Variants in RCAN1 observed in about 807,000 individuals in gnomAD.
RCAN1 encodes the protein regulator of calcineurin 1.
Under a neutral mutation model 22.9 loss-of-function variants are expected in RCAN1, and 11 were observed. The observed-to-expected ratio is 0.48, with a 90% CI of 0.30 to 0.79. RCAN1 has a LOEUF of 0.79. Among genes scored for constraint, RCAN1 ranks in the 30% least tolerant of loss-of-function variants. The probability of loss-of-function intolerance (pLI) is 0.06; values close to 1 mark genes in which losing one functional copy is unlikely to be tolerated. For missense variants in RCAN1, 291 were observed against 337.8 expected (o/e 0.86, Z 1.09); for synonymous variants, 136 against 142.3 (o/e 0.96, Z 0.32).
chr21:34,551,129 C>G (rs1177522531), intron 1 of RCAN1, among the ~76,000 whole-genome samples: 1 of 152,144 alleles, frequency 6.6e-6, no homozygotes. Flanking sequence ...TGGGAAGACC[C>G]AAGGAAAATA....
intron 2 of RCAN1, 70 bp downstream of exon 2, chr21:34,523,467 C>A: frequency 1.3e-6 from 2 of 1,487,100 alleles, no homozygotes; most frequent in South Asian, 1.2e-5. Flanking sequence ...ACATAAGCAA[C>A]GTATAAGCTG....
At chr21:34,540,519 T>C (rs954917986) in intron 1 of RCAN1, among the ~76,000 whole-genome samples, 1 of 152,222 alleles carries the variant, frequency 6.6e-6, no homozygotes, top group African/African-American at 2.4e-5. Context: ...CCCTAGTTCT[T>C]AGTATTTACC....
In RCAN1 at chr21:34,556,223, G is replaced by A. The variant is rs534774350; in HGVS notation, c.253-32513C>T. 1.1e-4 allele frequency among the ~76,000 whole-genome samples: 17 copies of A among 150,002 alleles called. No individual in the cohort carries two copies. The South Asian group carries it at 3.0e-3, about 26-fold the overall frequency. The stretch of plus-strand genomic sequence containing the variant: ...AGGATAGCTTGAGCTCAGGAGTTTC[G>A]GACCAGCCTGAGCAACATGGTGAGA... On this transcript the variant is annotated intron_variant, in intron 1 of 3. Transcript: ENST00000313806.
chr21:34,523,609 G>A lies in RCAN1; in HGVS notation c.354C>T (p.Ser118=), dbSNP rs150396417. The A allele has an allele frequency of 2.4e-4, 385 of 1,614,060 alleles. 1 individual carries two copies. The African/African-American group carries it at 4.0e-3, about 17-fold the overall frequency. ...GCAGCTGGAGCCTGGCATCTGCTGC[G>A]GAGAAGGGGTTGCTGAAGTTTATTC... is the stretch of plus-strand genomic sequence containing the variant. ...RVRINFSNPF[S]AADARLQLHK... The change falls in exon 2 of 4, where the codon TCC becomes TCT. Residue 118 remains serine (S), a synonymous_variant. Coordinates refer to ENST00000313806, the MANE Select transcript of RCAN1 (RefSeq NM_004414.7).
intron 1 of RCAN1, among the ~76,000 whole-genome samples, chr21:34,565,586 C>G (rs1986973165): frequency 6.6e-6 from 1 of 152,194 alleles, no homozygotes; most frequent in African/African-American, 2.4e-5. Flanking sequence ...CTTTAATAAC[C>G]ACTTATATGA....
Position 34,614,922 on chromosome 21 carries a change from C to T in RCAN1, c.90G>A (p.Leu30=). ...CCCCCGAGAGGGGCGCGAAGGGCCG[C>T]AGCGTCACCCCGGGCCGCGCTCGCG... is the stretch of plus-strand genomic sequence containing the variant. ...AEARARPGVT[L]RPFAPLSGAA... The change falls in exon 1 of 4, where the codon CTG becomes CTA. Residue 30 remains leucine (L), a synonymous_variant. Transcript: ENST00000313806. This position sits in a 1 kb window ranked among gnomAD's most constrained non-coding sequence, Gnocchi z 6.0. 7.2e-7 allele frequency: 1 copy of T among 1,381,856 alleles called. No homozygotes were observed. Among genetic ancestry groups the T allele is most frequent in the Non-Finnish European group, 9.5e-7 (1 of 1,057,658 alleles). The allele number at this position is 1,381,856 out of a possible 1,614,324, so 85.6% of individuals were successfully genotyped here. A position where few individuals can be genotyped will look rare whatever the true frequency, so the allele number is the denominator to read the frequency against.
chr21:34,531,003 C>A (rs537522474), intron 1 of RCAN1, among the ~76,000 whole-genome samples: 2 of 152,320 alleles, frequency 1.3e-5, no homozygotes, highest in South Asian at 2.1e-4. Context: ...AACAACCCCA[C>A]AAGGGTTTGC....
chr21:34,565,004 A>G (rs551834484), intron 1 of RCAN1, among the ~76,000 whole-genome samples: 1 of 152,014 alleles, frequency 6.6e-6, no homozygotes, highest in East Asian at 1.9e-4. Context: ...GTTAAAGACC[A>G]GCCTGGGCAA....
rs749675544 is a variant in RCAN1, at chr21:34,614,897, C to T, written c.115G>A (p.Ala39Thr). 2.4e-5 allele frequency: 34 copies of T among 1,435,140 alleles called. No individual in the cohort carries two copies. The African/African-American group carries it at 4.0e-4, about 17-fold the overall frequency. The allele number at this position is 1,435,140 out of a possible 1,614,324, so 88.9% of individuals were successfully genotyped here. A position where few individuals can be genotyped will look rare whatever the true frequency, so the allele number is the denominator to read the frequency against. Residue 39 changes from alanine to threonine, a missense_variant, in exon 1 of 4, where the codon GCG (alanine) becomes ACG (threonine). Coordinates refer to ENST00000313806, the MANE Select transcript of RCAN1 (RefSeq NM_004414.7). This position sits in a 1 kb window ranked among gnomAD's most constrained non-coding sequence, Gnocchi z 6.0. The part of the protein sequence containing the change: ...TLRPFAPLSG[A>T]AEADEGGGDW... Reference sequence around the variant, plus strand: ...CCGCCGCCCTCGTCCGCCTCGGCCGCCCCCGAGAGGGGCGCGAAGGGCCGC... The same window carrying T: ...CCGCCGCCCTCGTCCGCCTCGGCCGTCCCCGAGAGGGGCGCGAAGGGCCGC...
Position 34,581,953 on chromosome 21 carries a change from C to T in RCAN1, c.252+32807G>A, listed in dbSNP as rs115264436. Among the ~76,000 whole-genome samples the T allele has an allele frequency of 5.8e-3, 886 of 152,306 alleles. 6 individuals carry two copies. The highest frequency in any genetic ancestry group is 0.015 in the African/African-American group (612 of 41,554). ...CTATCAAAATGCCAACAGGGCCGAT[C>T]TCTTTCAAGCCAGACGAGTCATCTA... On this transcript the variant is annotated intron_variant, in intron 1 of 3. Transcript: ENST00000313806.
At chr21:34,586,205 C>T (rs960805026) in intron 1 of RCAN1, among the ~76,000 whole-genome samples, 46 of 152,086 alleles carry the variant, frequency 3.0e-4, no homozygotes, top group Non-Finnish European at 8.8e-5. Context: ...TGTCTATATA[C>T]GTTGTTGTTA....
chr21:34,581,645 A>G (rs2123698008), intron 1 of RCAN1, among the ~76,000 whole-genome samples: 1 of 152,272 alleles, frequency 6.6e-6, no homozygotes, highest in Non-Finnish European at 1.5e-5. Context: ...GTATATGAGG[A>G]AAAAAAATCA....
Position 34,545,449 on chromosome 21 carries a change from C to T in RCAN1, c.253-21739G>A, listed in dbSNP as rs545912835. ...GAAATGAGGAAGTGTATTTTGGGCT[C>T]CTGTGGTTTCTGATGAAAAATGCTG... On this transcript the variant is annotated intron_variant, in intron 1 of 3. Transcript: ENST00000313806. Among the ~76,000 whole-genome samples, 4 of 152,272 alleles carry T rather than the reference C, an allele frequency of 2.6e-5. No homozygotes were observed. In the South Asian group the frequency reaches 8.3e-4, roughly 32 times the overall value.
Position 34,557,761 on chromosome 21 carries a change from T to C in RCAN1, c.253-34051A>G, listed in dbSNP as rs534472536. Among the ~76,000 whole-genome samples the C allele has an allele frequency of 3.9e-5, 6 of 152,316 alleles. No individual in the cohort carries two copies. In the East Asian group the frequency reaches 9.6e-4, roughly 24 times the overall value. ...TGCTGATAGATTTAACAGCCACTAG[T>C]GATGAAGATGGCGATGATGAAGATG... On this transcript the variant is annotated intron_variant, in intron 1 of 3. Coordinates refer to ENST00000313806, the MANE Select transcript of RCAN1 (RefSeq NM_004414.7).
chr21:34,518,031 A>G lies in RCAN1; in HGVS notation c.*53T>C. ...AGTCGTGACCAGCCACCTCCACAGT[A>G]AAAGATTCCTCCCGTGAGTATGATT... On this transcript the variant is annotated 3_prime_UTR_variant, in exon 4 of 4. Coordinates refer to ENST00000313806, the MANE Select transcript of RCAN1 (RefSeq NM_004414.7). The surrounding 1 kb of genome is among the most constrained non-coding windows in gnomAD (Gnocchi z 4.2). 6.2e-7 allele frequency: 1 copy of G among 1,600,190 alleles called. No homozygotes were observed. Among genetic ancestry groups the G allele is most frequent in the South Asian group, 1.1e-5 (1 of 89,160 alleles).
chr21:34,614,566 T>C lies in RCAN1; in HGVS notation c.252+194A>G, dbSNP rs960014745. On this transcript the variant is annotated intron_variant, in intron 1 of 3. Coordinates refer to ENST00000313806, the MANE Select transcript of RCAN1 (RefSeq NM_004414.7). This position sits in a 1 kb window ranked among gnomAD's most constrained non-coding sequence, Gnocchi z 6.0. The stretch of plus-strand genomic sequence containing the variant: ...CAGTGAGCTCCGCGCGCCCCGGGGG[T>C]GCTAGGGGACCGGGACCCTCGGGGC... The C allele has an allele frequency of 4.9e-5, 49 of 993,024 alleles. 1 individual carries two copies. In the Admixed American group the frequency reaches 1.0e-3, roughly 21 times the overall value. 61.5% of individuals were successfully genotyped at this position (993,024 alleles called of 1,614,324 possible).
In RCAN1 at chr21:34,563,047, C is replaced by T. The variant is rs551428293; in HGVS notation, c.253-39337G>A. On this transcript the variant is annotated intron_variant, in intron 1 of 3. Transcript: ENST00000313806. The stretch of plus-strand genomic sequence containing the variant: ...CTTTTAACTTCCCCTTACCTCCACA[C>T]GCACACCATTGCCATCAGTATTGAT... Among the ~76,000 whole-genome samples, 83 of 152,308 alleles carry T rather than the reference C, an allele frequency of 5.4e-4. 1 individual carries two copies. The South Asian group carries it at 6.8e-3, about 13-fold the overall frequency.
intron 1 of RCAN1, among the ~76,000 whole-genome samples, chr21:34,601,619 T>G (rs376544884): frequency 2.0e-5 from 3 of 151,856 alleles, no homozygotes; most frequent in Non-Finnish European, 4.4e-5. Flanking sequence ...GAGATCGAGA[T>G]CATCTTGGCT....
In RCAN1 at chr21:34,517,790, CA is replaced by C; in HGVS notation, c.*293del. Reference sequence around the variant, plus strand: ...ACAGACAGAACCTACCAGAAAAGAACAAGTACAAAACACTATCATTATCTGT... The same window carrying C: ...ACAGACAGAACCTACCAGAAAAGAACAGTACAAAACACTATCATTATCTGT... On this transcript the variant is annotated 3_prime_UTR_variant, in exon 4 of 4. Coordinates refer to ENST00000313806, the MANE Select transcript of RCAN1 (RefSeq NM_004414.7). 1 of 371,060 alleles carries C rather than the reference CA, an allele frequency of 2.7e-6. No individual in the cohort carries two copies. Among genetic ancestry groups the C allele is most frequent in the Non-Finnish European group, 4.9e-6 (1 of 203,926 alleles). The allele number at this position is 371,060 out of a possible 1,614,324, so 23.0% of individuals were successfully genotyped here. A position where few individuals can be genotyped will look rare whatever the true frequency, so the allele number is the denominator to read the frequency against.
Sources: gnomAD v4.1 joint callset for allele counts (sites outside exome capture counted in the v4.1 genomes callset) on GRCh38, gnomAD v4.1.1 for gene constraint, Gnocchi (gnomAD v3.1) non-coding constraint, MANE v1.5 for transcripts, NCBI Gene and HGNC (gene_info 2026-07-23, HGNC 2026-07-21) for gene names.